Variants in CCDC172 observed in about 807,000 individuals in gnomAD.
CCDC172 encodes the protein coiled-coil domain-containing protein 172.
Under a neutral mutation model 38.0 loss-of-function variants are expected in CCDC172, and 30 were observed. The ratio of observed to expected loss-of-function variants is 0.79; its 90% CI spans 0.59 to 1.07. CCDC172 has a LOEUF of 1.07. Ranked by LOEUF, CCDC172 falls within the 50% of genes least tolerant of loss-of-function variation. The pLI is 0.00. For missense variants in CCDC172, 297 were observed against 290.1 expected (o/e 1.02, Z -0.17); for synonymous variants, 78 against 88.3 (o/e 0.88, Z 0.66).
chr10:116,349,881 A>C (rs1844910418), intron 5 of CCDC172, among the ~76,000 whole-genome samples: 1 of 152,104 alleles, frequency 6.6e-6, no homozygotes, highest in African/African-American at 2.4e-5. Flanking sequence ...TGTGTGGTAC[A>C]GTTTTACATA....
intron 7 of CCDC172, among the ~76,000 whole-genome samples, chr10:116,377,447 T>C (rs1243363240): frequency 6.6e-6 from 1 of 152,146 alleles, no homozygotes; most frequent in African/African-American, 2.4e-5. Context: ...CTTTCCTTCA[T>C]TAAGAGGGTA....
intron 5 of CCDC172, among the ~76,000 whole-genome samples, chr10:116,353,446 A>G (rs1467554288): frequency 6.6e-6 from 1 of 152,208 alleles, no homozygotes; most frequent in Non-Finnish European, 1.5e-5. Context: ...AAGTGAAAAG[A>G]CGACCACAAA....
At chr10:116,375,981 C>CT (rs1245648503) in intron 7 of CCDC172, among the ~76,000 whole-genome samples, 2 of 152,166 alleles carry the variant, frequency 1.3e-5, no homozygotes, top group Non-Finnish European at 2.9e-5. Context: ...CCTTAAAGAT[C>CT]TAGAACTAGA....
chr10:116,341,760 A>T (rs1470464147), intron 4 of CCDC172, among the ~76,000 whole-genome samples: 1 of 151,882 alleles, frequency 6.6e-6, no homozygotes, highest in African/African-American at 2.4e-5. Flanking sequence ...TAATACACAA[A>T]TAAACAGATA....
intron 7 of CCDC172, among the ~76,000 whole-genome samples, chr10:116,364,537 A>ACTGAAATGCC (rs1286389804): frequency 6.6e-6 from 1 of 152,134 alleles, no homozygotes; most frequent in Non-Finnish European, 1.5e-5. Context: ...TAAAAAAAAA[A>ACTGAAATGCC]CTGAAATGCC....
At chr10:116,332,174 T>A (rs572209803) in intron 3 of CCDC172, among the ~76,000 whole-genome samples, 2 of 152,282 alleles carry the variant, frequency 1.3e-5, no homozygotes, top group East Asian at 3.9e-4. Flanking sequence ...TTTATCACCA[T>A]CCTTACACTG....
chr10:116,358,278 T>C (rs1845024180), intron 7 of CCDC172, among the ~76,000 whole-genome samples: 2 of 152,144 alleles, frequency 1.3e-5, no homozygotes, highest in South Asian at 2.1e-4. Context: ...CTTTTAATCT[T>C]TCTAGATTCC....
intron 7 of CCDC172, among the ~76,000 whole-genome samples, chr10:116,376,072 C>T (rs932627995): frequency 1.2e-4 from 19 of 152,304 alleles, no homozygotes; most frequent in African/African-American, 2.6e-4. Flanking sequence ...GACACATGCA[C>T]ACATATGTTT....
intron 3 of CCDC172, among the ~76,000 whole-genome samples, chr10:116,330,346 A>G (rs778382876): frequency 2.0e-5 from 3 of 152,168 alleles, no homozygotes; most frequent in Non-Finnish European, 2.9e-5. Context: ...ATGTTTCAAG[A>G]TGTTTCAGAA....
intron 6 of CCDC172, 149 bp downstream of exon 6, chr10:116,357,630 G>C: frequency 1.2e-6 from 1 of 825,834 alleles, no homozygotes; most frequent in East Asian, 3.1e-5. Flanking sequence ...ACTAATCAAC[G>C]TGAGATCTGA....
At position 116,324,465 on chromosome 10, in the gene CCDC172, G is replaced by A. The variant is rs1201214525; in HGVS notation, c.-214G>A. On this transcript the variant is annotated 5_prime_UTR_variant, in exon 1 of 9. Coordinates refer to ENST00000333254, the MANE Select transcript of CCDC172 (RefSeq NM_198515.3). ...CCTGAAGCACTGGCTCCAGCCTTAGGGAAGGTTTTGGCCGTGGGTTTTGTT... is the reference window on the plus strand; with the variant it reads ...CCTGAAGCACTGGCTCCAGCCTTAGAGAAGGTTTTGGCCGTGGGTTTTGTT... 1.3e-5 allele frequency: 2 copies of A among 153,410 alleles called. No homozygotes were observed. Among genetic ancestry groups the A allele is most frequent in the Non-Finnish European group, 2.9e-5 (2 of 69,022 alleles). 9.5% of individuals were successfully genotyped at this position (153,410 alleles called of 1,614,324 possible).
chr10:116,378,159 T>C (rs1435042085), intron 7 of CCDC172, among the ~76,000 whole-genome samples: 1 of 152,128 alleles, frequency 6.6e-6, no homozygotes, highest in Non-Finnish European at 1.5e-5. Context: ...CCAGCCTGGA[T>C]GACAGAGCGA....
chr10:116,369,194 TTCG>T (rs1354221651), intron 7 of CCDC172, among the ~76,000 whole-genome samples: 4 of 152,004 alleles, frequency 2.6e-5, no homozygotes, highest in Admixed American at 2.6e-4. Flanking sequence ...AAGTGTTCTT[TTCG>T]TCTAACTTTA....
chr10:116,343,484 C>T (rs1347553433), intron 5 of CCDC172, among the ~76,000 whole-genome samples: 2 of 150,306 alleles, frequency 1.3e-5, no homozygotes, highest in South Asian at 2.1e-4. Context: ...ACACTACTCT[C>T]TGTGCTCCTA....
At chr10:116,364,607 C>T (rs1845101117) in intron 7 of CCDC172, among the ~76,000 whole-genome samples, 2 of 151,972 alleles carry the variant, frequency 1.3e-5, no homozygotes, top group South Asian at 4.2e-4. Flanking sequence ...CTACATATTT[C>T]TCTTAAATAG....
At position 116,379,498 on chromosome 10, in the gene CCDC172, T is replaced by C. The variant is rs537986075; in HGVS notation, c.*140T>C. 5.5e-5 allele frequency: 26 copies of C among 471,200 alleles called. No individual in the cohort carries two copies. The South Asian group carries it at 1.6e-3, about 29-fold the overall frequency. The allele number at this position is 471,200 out of a possible 1,614,324, so 29.2% of individuals were successfully genotyped here. A position where few individuals can be genotyped will look rare whatever the true frequency, so the allele number is the denominator to read the frequency against. ...GTTTAAAATATTCAAATTGTTATTA[T>C]CTAGAAATGATGTGTTAGCCCTTTA... On this transcript the variant is annotated 3_prime_UTR_variant, in exon 9 of 9. Transcript: ENST00000333254.
intron 3 of CCDC172, among the ~76,000 whole-genome samples, chr10:116,332,091 T>A (rs1844670724): frequency 6.6e-6 from 1 of 152,042 alleles, no homozygotes; most frequent in Non-Finnish European, 1.5e-5. Context: ...TGATTTTTGT[T>A]CTTATGTGGG....
At chr10:116,341,609 G>T (rs763880348) in intron 4 of CCDC172, among the ~76,000 whole-genome samples, 1 of 151,838 alleles carries the variant, frequency 6.6e-6, no homozygotes, top group Non-Finnish European at 1.5e-5. Flanking sequence ...GGTTTTCTTG[G>T]CTATCCTTGT....
intron 3 of CCDC172, among the ~76,000 whole-genome samples, chr10:116,337,155 A>AT (rs35181377): frequency 0.94 from 137,588 of 146,088 alleles, 64,797 homozygotes; most frequent in East Asian, 0.99. Flanking sequence ...GTGATTCTAG[A>AT]TTTTTTTTTT....
Sources: gnomAD v4.1 joint callset for allele counts (sites outside exome capture counted in the v4.1 genomes callset) on GRCh38, gnomAD v4.1.1 for gene constraint, MANE v1.5 for transcripts, NCBI Gene and HGNC (gene_info 2026-07-23, HGNC 2026-07-21) for gene names.